DMD: variants seen among roughly 807,000 people sequenced by gnomAD.
The protein encoded by DMD is dystrophin, also known as mutant dystrophin.
In DMD, 63 loss-of-function variants were observed where a neutral mutation model predicts 330.1. The observed-to-expected ratio is 0.19, with a 90% CI of 0.16 to 0.24. The LOEUF (loss-of-function observed/expected upper bound fraction) is 0.24. DMD is among the 10% of genes least tolerant of loss of function. The pLI, the probability that DMD is intolerant of heterozygous loss-of-function variation, is 1.00. For synonymous variants in DMD, 1,223 were observed against 959.8 expected (o/e 1.27, Z -5.07); for missense variants, 3,344 against 2,684.1 (o/e 1.25, Z -5.43).
intron 44 of DMD, among the ~76,000 whole-genome samples, chrX:32,085,605 T>TAC (rs1184784241): frequency 4.1e-5 from 4 of 96,996 alleles, no homozygotes; most frequent in Non-Finnish European, 8.0e-5. Flanking sequence ...TGTATATATG[T>TAC]GTATATATAT....
intron 9 of DMD, among the ~76,000 whole-genome samples, chrX:32,682,812 G>A (rs1018001548): frequency 8.1e-5 from 9 of 111,686 alleles, no homozygotes; most frequent in African/African-American, 2.0e-4. Context: ...CTCGTGAGTT[G>A]TGAACTGAAG....
intron 9 of DMD, among the ~76,000 whole-genome samples, chrX:32,670,338 A>G (rs1345064552): frequency 8.9e-6 from 1 of 112,013 alleles, no homozygotes; most frequent in Non-Finnish European, 1.9e-5. Flanking sequence ...ACTATTATGT[A>G]TATTTTAAAA....
chrX:31,530,205 C>T (rs1326133285), intron 55 of DMD, among the ~76,000 whole-genome samples: 1 of 111,906 alleles, frequency 8.9e-6, no homozygotes, highest in African/African-American at 3.2e-5. Context: ...ACAGGGACAT[C>T]AAAACAAAAC....
chrX:31,763,941 T>C (rs2089814516), intron 51 of DMD, among the ~76,000 whole-genome samples: 1 of 111,593 alleles, frequency 9.0e-6, no homozygotes, highest in Non-Finnish European at 1.9e-5. Context: ...AGTGGCGCTA[T>C]CATAGCTCAC....
intron 50 of DMD, among the ~76,000 whole-genome samples, chrX:31,788,007 G>A (rs747747985): frequency 1.3e-3 from 149 of 112,007 alleles, no homozygotes; most frequent in African/African-American, 4.8e-3. Flanking sequence ...CTTTTTGAAC[G>A]TATGAAAGGT....
intron 44 of DMD, among the ~76,000 whole-genome samples, chrX:32,147,863 C>G (rs1056777949): frequency 1.3e-4 from 13 of 103,998 alleles, no homozygotes; most frequent in Non-Finnish European, 7.8e-5. Flanking sequence ...TGTATACACT[C>G]AAAAAAATTT....
At chrX:32,703,389 A>G (rs1038860953) in intron 7 of DMD, among the ~76,000 whole-genome samples, 6 of 111,552 alleles carry the variant, frequency 5.4e-5, no homozygotes, top group Admixed American at 9.6e-5. Context: ...TGCTGTTTCT[A>G]TCATTAACAC....
At chrX:32,823,083 T>A (rs1048003686) in intron 5 of DMD, among the ~76,000 whole-genome samples, 5 of 111,929 alleles carry the variant, frequency 4.5e-5, no homozygotes, top group African/African-American at 1.3e-4. Flanking sequence ...AATAAAATTT[T>A]GAAAAATATT....
intron 55 of DMD, among the ~76,000 whole-genome samples, chrX:31,551,758 T>C (rs897047506): frequency 8.9e-6 from 1 of 112,265 alleles, no homozygotes; most frequent in Admixed American, 9.5e-5. Flanking sequence ...AGGTCAGGGC[T>C]CTTAAAGCTG....
intron 43 of DMD, among the ~76,000 whole-genome samples, chrX:32,239,971 TTC>T (rs1201703952): frequency 1.8e-5 from 2 of 111,795 alleles, no homozygotes; most frequent in Non-Finnish European, 3.8e-5. Flanking sequence ...CTGCAGAGAT[TTC>T]TGTTTCATTT....
intron 25 of DMD, among the ~76,000 whole-genome samples, chrX:32,456,878 C>T (rs997112913): frequency 1.9e-5 from 2 of 104,325 alleles, no homozygotes; most frequent in Non-Finnish European, 3.9e-5. Flanking sequence ...ATTTAATATG[C>T]CTATTATTAA....
At chrX:32,958,887 A>C (rs1416244451) in intron 2 of DMD, among the ~76,000 whole-genome samples, 1 of 110,815 alleles carries the variant, frequency 9.0e-6, no homozygotes, top group Non-Finnish European at 1.9e-5. Flanking sequence ...TTAGGAGAAA[A>C]AACACTTCTT....
intron 50 of DMD, among the ~76,000 whole-genome samples, chrX:31,814,339 C>T (rs922909092): frequency 2.7e-4 from 29 of 106,975 alleles, no homozygotes; most frequent in Admixed American, 2.2e-3. Flanking sequence ...AAAAATTAGC[C>T]GGGCGTGGTG....
intron 52 of DMD, among the ~76,000 whole-genome samples, chrX:31,709,324 C>T (rs1329976686): frequency 9.0e-6 from 1 of 111,402 alleles, no homozygotes; most frequent in Non-Finnish European, 1.9e-5. Flanking sequence ...GTGCAGAGTA[C>T]AAAGAGTTTG....
intron 9 of DMD, among the ~76,000 whole-genome samples, chrX:32,661,077 C>G (rs975917059): frequency 2.7e-5 from 3 of 109,431 alleles, no homozygotes; most frequent in Admixed American, 2.0e-4. Context: ...TATCTGAAAA[C>G]CTGTATATTA....
chrX:31,663,402 C>T (rs2081245516), intron 53 of DMD, among the ~76,000 whole-genome samples: 1 of 111,171 alleles, frequency 9.0e-6, no homozygotes, highest in East Asian at 2.8e-4. Flanking sequence ...CTCCTTCATT[C>T]CTATGGAGGA....
At chrX:31,400,054 C>G in intron 60 of DMD, among the ~76,000 whole-genome samples, 1 of 111,678 alleles carries the variant, frequency 9.0e-6, no homozygotes, top group South Asian at 3.8e-4. Flanking sequence ...ACAATCATTT[C>G]CATTGGTTGG....
At chrX:33,321,359 G>A (rs1472538670) in intron 1 of DMD, among the ~76,000 whole-genome samples, 1 of 111,077 alleles carries the variant, frequency 9.0e-6, no homozygotes, top group Admixed American at 9.6e-5. Context: ...AACAACATGA[G>A]TCTCCTTGTA....
intron 12 of DMD, among the ~76,000 whole-genome samples, chrX:32,612,039 C>T (rs769927682): frequency 3.7e-4 from 34 of 91,009 alleles, no homozygotes; most frequent in Non-Finnish European, 5.3e-4. Flanking sequence ...AAAACACATC[C>T]TGAACAAAAG....
Sources: allele counts gnomAD v4.1 joint callset (sites outside exome capture counted in the v4.1 genomes callset), GRCh38; gene constraint gnomAD v4.1.1; transcripts MANE v1.5; gene names NCBI Gene and HGNC (gene_info 2026-07-23, HGNC 2026-07-21).